Variants in ATP10A observed in about 807,000 individuals in gnomAD.
ATP10A encodes the protein ATPase phospholipid transporting 10A (putative).
A neutral mutation model predicts 147.8 loss-of-function variants in ATP10A; 111 were observed. The observed-to-expected ratio is 0.75, with a 90% confidence interval of 0.64 to 0.88. The LOEUF is 0.88. ATP10A is among the 40% of genes least tolerant of loss of function. The probability of loss-of-function intolerance (pLI) is 0.00; values close to 1 mark genes in which losing one functional copy is unlikely to be tolerated. For missense variants in ATP10A, 1,927 were observed against 1,959.0 expected, an observed-to-expected ratio of 0.98 and a Z score of 0.31; for synonymous variants, 875 against 841.6, an observed-to-expected ratio of 1.04 and a Z score of -0.69.
chr15:25,753,786 T>C (rs992274731), intron 2 of ATP10A, among the ~76,000 whole-genome samples: 2 of 149,080 alleles, frequency 1.3e-5, no homozygotes, highest in African/African-American at 4.9e-5. Context: ...ATATGTTATA[T>C]ATATATATTT....
intron 13 of ATP10A, among the ~76,000 whole-genome samples, chr15:25,700,835 T>C (rs943908879): frequency 6.6e-6 from 1 of 152,024 alleles, no homozygotes; most frequent in Non-Finnish European, 1.5e-5. Context: ...TTTTACTATA[T>C]GCTAATTATA....
In ATP10A at chr15:25,862,783, G is replaced by C; in HGVS notation, c.314C>G (p.Ala105Gly). 2 of 1,610,694 alleles carry C rather than the reference G, an allele frequency of 1.2e-6. No homozygotes were observed. The change falls in exon 1 of 21, where the codon GCC (alanine) becomes GGC (glycine). Residue 105 changes from alanine (A) to glycine (G), a missense_variant. Physicochemically the swap from Ala to Gly is moderately conservative, Grantham distance 60. Transcript: ENST00000555815. ...CGCCAGTGCCAGGCCGGGCTGGAAG[G>C]CGTTCACCGCCGGCACGAAGTTGAG... is the stretch of plus-strand genomic sequence containing the variant. ...ALLNFVPAVN[A>G]FQPGLALAPV...
chr15:25,691,439 A>C (rs1285888348), intron 15 of ATP10A, among the ~76,000 whole-genome samples: 1 of 152,190 alleles, frequency 6.6e-6, no homozygotes, highest in African/African-American at 2.4e-5. Context: ...GCGATGACTC[A>C]CCTTGCCTCT....
intron 1 of ATP10A, among the ~76,000 whole-genome samples, chr15:25,787,142 AG>A (rs1890208982): frequency 6.6e-6 from 1 of 152,126 alleles, no homozygotes; most frequent in Non-Finnish European, 1.5e-5. Flanking sequence ...GGGTGACTCC[AG>A]GGTCTGGGAA....
intron 2 of ATP10A, among the ~76,000 whole-genome samples, chr15:25,778,267 A>G (rs995178194): frequency 1.3e-5 from 2 of 152,220 alleles, no homozygotes; most frequent in Non-Finnish European, 2.9e-5. Flanking sequence ...ACAGATTATT[A>G]CCAGTTCTTA....
intron 1 of ATP10A, among the ~76,000 whole-genome samples, chr15:25,797,562 T>C (rs1890734485): frequency 1.3e-5 from 2 of 152,098 alleles, no homozygotes; most frequent in African/African-American, 4.8e-5. Context: ...ACTCTCTACA[T>C]ACGGAGACAT....
At chr15:25,820,942 G>T (rs943046041) in intron 1 of ATP10A, among the ~76,000 whole-genome samples, 1 of 152,198 alleles carries the variant, frequency 6.6e-6, no homozygotes, top group African/African-American at 2.4e-5. Flanking sequence ...TCCACTTTAT[G>T]TGTCAAAAAC....
intron 1 of ATP10A, among the ~76,000 whole-genome samples, chr15:25,856,048 T>G (rs140970592): frequency 2.0e-5 from 3 of 152,190 alleles, no homozygotes; most frequent in Admixed American, 6.5e-5. Flanking sequence ...TCTGTACTAT[T>G]TTTGCAACTT....
chr15:25,763,375 C>A (rs140763563), intron 2 of ATP10A, among the ~76,000 whole-genome samples: 297 of 152,248 alleles, frequency 2.0e-3, no homozygotes, highest in African/African-American at 6.6e-3. Flanking sequence ...TCATCCCAAA[C>A]GACAGCAGAT....
intron 6 of ATP10A, 81 bp downstream of exon 6, chr15:25,723,810 G>A: frequency 1.6e-6 from 2 of 1,262,160 alleles, no homozygotes; most frequent in African/African-American, 1.5e-5. Flanking sequence ...GAATTTATAG[G>A]AAATTCTGAA....
intron 1 of ATP10A, among the ~76,000 whole-genome samples, chr15:25,811,520 C>T (rs181597327): frequency 2.0e-5 from 3 of 152,298 alleles, no homozygotes; most frequent in Admixed American, 1.3e-4. Context: ...GCATCCCTCC[C>T]GGCTTTCTGT....
intron 14 of ATP10A, among the ~76,000 whole-genome samples, chr15:25,692,083 G>C (rs1004536349): frequency 6.6e-6 from 1 of 152,132 alleles, no homozygotes; most frequent in African/African-American, 2.4e-5. Context: ...TCATCCTGCT[G>C]TCTGGCACAA....
chr15:25,748,323 T>A (rs1327937854), intron 2 of ATP10A, among the ~76,000 whole-genome samples: 3 of 152,154 alleles, frequency 2.0e-5, no homozygotes, highest in Non-Finnish European at 4.4e-5. Flanking sequence ...GGAAGATGGA[T>A]ATAGCTCAAG....
chr15:25,702,101 C>T lies in ATP10A; in HGVS notation c.2576-1G>A, dbSNP rs577335811. On this transcript the variant is annotated splice_acceptor_variant, in intron 12 of 20. Transcript: ENST00000555815. LOFTEE classifies it high-confidence loss of function. ...AGGCGGTCTTCAATCCCAGTGGCAC[C>T]TGGTCAAATGCACAGCAGTGTGAGC... 1.2e-6 allele frequency: 2 copies of T among 1,609,990 alleles called. No homozygotes were observed. The highest frequency in any genetic ancestry group is 2.2e-5 in the South Asian group (2 of 90,242).
At chr15:25,714,316 G>A (rs1901643332) in intron 9 of ATP10A, 75 bp from the exon 10 acceptor site, 1 of 1,392,274 alleles carries the variant, frequency 7.2e-7, no homozygotes, top group Admixed American at 2.1e-5. Flanking sequence ...GTTCCCACAG[G>A]ATGCTCCAGG....
chr15:25,858,255 G>C (rs1056856848), intron 1 of ATP10A, among the ~76,000 whole-genome samples: 2 of 152,212 alleles, frequency 1.3e-5, no homozygotes, highest in Non-Finnish European at 2.9e-5. Flanking sequence ...TTGTCCTGGT[G>C]TCTCTGCTTT....
At chr15:25,780,539 C>A (rs1043212163) in intron 2 of ATP10A, among the ~76,000 whole-genome samples, 1 of 152,178 alleles carries the variant, frequency 6.6e-6, no homozygotes, top group Non-Finnish European at 1.5e-5. Flanking sequence ...CAGCCTCTCA[C>A]CCCTCACCCT....
At chr15:25,785,947 C>T (rs865879894) in intron 1 of ATP10A, among the ~76,000 whole-genome samples, 1 of 152,210 alleles carries the variant, frequency 6.6e-6, no homozygotes, top group Non-Finnish European at 1.5e-5. Context: ...GTGCGGGGTC[C>T]GGTCTCCGGA....
chr15:25,848,984 C>T (rs1893156617), intron 1 of ATP10A, among the ~76,000 whole-genome samples: 1 of 152,048 alleles, frequency 6.6e-6, no homozygotes. Flanking sequence ...GCTCGCCACA[C>T]CTACCGCTGT....
Sources: allele counts gnomAD v4.1 joint callset (sites outside exome capture counted in the v4.1 genomes callset), GRCh38; gene constraint gnomAD v4.1.1; transcripts MANE v1.5; gene names NCBI Gene and HGNC (gene_info 2026-07-23, HGNC 2026-07-21).